CYP7B1: variants seen among roughly 807,000 people sequenced by gnomAD.
The protein encoded by CYP7B1 is cytochrome P450 family 7 subfamily B member 1.
Under a neutral mutation model 42.7 loss-of-function variants are expected in CYP7B1, and 29 were observed. The observed-to-expected ratio is 0.68, with a 90% CI of 0.51 to 0.93. CYP7B1 has a LOEUF of 0.93. Among genes scored for constraint, CYP7B1 ranks in the 40% least tolerant of loss-of-function variants. CYP7B1 has a pLI of 0.00. For missense variants in CYP7B1, 655 were observed against 600.5 expected (o/e 1.09, Z -0.95); for synonymous variants, 235 against 218.2 (o/e 1.08, Z -0.68).
At chr8:64,629,945 C>A (rs931060784) in intron 1 of CYP7B1, among the ~76,000 whole-genome samples, 1 of 152,090 alleles carries the variant, frequency 6.6e-6, no homozygotes. Flanking sequence ...CAGTGAGAGG[C>A]CTGGTGGGGA....
At chr8:64,711,443 A>G (rs1008766733) in intron 1 of CYP7B1, among the ~76,000 whole-genome samples, 1 of 152,184 alleles carries the variant, frequency 6.6e-6, no homozygotes, top group African/African-American at 2.4e-5. Flanking sequence ...GTGGCGCTAC[A>G]AAGAGGGTGA....
chr8:64,798,716 C>G lies in CYP7B1; in HGVS notation c.-129G>C. ...TCCAGGGCCGGAGAGGCTGGCCTGCCCGCAGCGCAGACAGGAATGTCACCG... is the reference window on the plus strand; with the variant it reads ...TCCAGGGCCGGAGAGGCTGGCCTGCGCGCAGCGCAGACAGGAATGTCACCG... On this transcript the variant is annotated 5_prime_UTR_variant, in exon 1 of 6. Transcript: ENST00000310193. 4 of 1,052,056 alleles carry G rather than the reference C, an allele frequency of 3.8e-6. No individual in the cohort carries two copies. In the South Asian group the frequency reaches 7.8e-5, roughly 20 times the overall value. The allele number at this position is 1,052,056 out of a possible 1,614,324, so 65.2% of individuals were successfully genotyped here.
chr8:64,744,022 T>C (rs1256405724), intron 1 of CYP7B1, among the ~76,000 whole-genome samples: 1 of 152,152 alleles, frequency 6.6e-6, no homozygotes, highest in Admixed American at 6.5e-5. Context: ...TGGCTATTTC[T>C]AAAGATAAGC....
intron 1 of CYP7B1, among the ~76,000 whole-genome samples, chr8:64,700,979 T>C (rs549303726): frequency 5.9e-5 from 9 of 152,148 alleles, no homozygotes; most frequent in African/African-American, 2.2e-4. Flanking sequence ...TTTAATGATA[T>C]CAAATCTTTT....
intron 1 of CYP7B1, among the ~76,000 whole-genome samples, chr8:64,693,164 CAG>C (rs1806773142): frequency 6.6e-6 from 1 of 152,352 alleles, no homozygotes; most frequent in South Asian, 2.1e-4. Flanking sequence ...ATCTGCATGA[CAG>C]AGTACTGTCA....
chr8:64,798,598 C>T lies in CYP7B1; in HGVS notation c.-11G>A, dbSNP rs886063077. On this transcript the variant is annotated 5_prime_UTR_variant, in exon 1 of 6. Coordinates refer to ENST00000310193, the MANE Select transcript of CYP7B1 (RefSeq NM_004820.5). ...CACTTCTCCTGCCATCCGGCGCGCG[C>T]TAGGCCGCGGTGGGCAGCCCGGGGT... is the stretch of plus-strand genomic sequence containing the variant. The T allele has an allele frequency of 8.9e-6, 13 of 1,458,288 alleles. No individual in the cohort carries two copies. In the East Asian group the frequency reaches 3.5e-4, roughly 39 times the overall value. The allele number at this position is 1,458,288 out of a possible 1,614,324, so 90.3% of individuals were successfully genotyped here.
chr8:64,699,233 A>T (rs959798210), intron 1 of CYP7B1, among the ~76,000 whole-genome samples: 3 of 152,146 alleles, frequency 2.0e-5, no homozygotes, highest in Non-Finnish European at 4.4e-5. Context: ...GTCTGAGTTG[A>T]TGGAGCCCCA....
At chr8:64,679,157 CAA>C (rs1806497255) in intron 1 of CYP7B1, among the ~76,000 whole-genome samples, 1 of 152,140 alleles carries the variant, frequency 6.6e-6, no homozygotes, top group Non-Finnish European at 1.5e-5. Context: ...GCTTGATAAT[CAA>C]ACTATTTTTC....
intron 1 of CYP7B1, among the ~76,000 whole-genome samples, chr8:64,625,378 T>TA (rs1267065449): frequency 6.6e-6 from 1 of 152,254 alleles, no homozygotes; most frequent in African/African-American, 2.4e-5. Flanking sequence ...CAATCTGTTT[T>TA]ATTTATTTCC....
chr8:64,660,424 T>C (rs1316023690), intron 1 of CYP7B1, among the ~76,000 whole-genome samples: 1 of 152,192 alleles, frequency 6.6e-6, no homozygotes, highest in East Asian at 1.9e-4. Context: ...TGAAATCAAG[T>C]ATACACAATG....
intron 1 of CYP7B1, among the ~76,000 whole-genome samples, chr8:64,777,315 A>C (rs78807560): frequency 0.02 from 3,018 of 152,206 alleles, 105 homozygotes; most frequent in African/African-American, 0.067. Context: ...CAGAAATTTC[A>C]TAGCAATAGC....
downstream of CYP7B1, among the ~76,000 whole-genome samples, chr8:64,590,706 GA>G (rs1805022685): frequency 1.3e-5 from 2 of 152,116 alleles, no homozygotes; most frequent in African/African-American, 2.4e-5. Context: ...CAGATGATAA[GA>G]ATATATGTGT....
chr8:64,616,997 C>T (rs1805458257), intron 2 of CYP7B1, among the ~76,000 whole-genome samples: 1 of 152,112 alleles, frequency 6.6e-6, no homozygotes, highest in Admixed American at 6.6e-5. Context: ...GGTTGGATCC[C>T]TTTCTTTTTG....
At chr8:64,761,626 T>G (rs1024742471) in intron 1 of CYP7B1, among the ~76,000 whole-genome samples, 49 of 151,954 alleles carry the variant, frequency 3.2e-4, no homozygotes, top group Non-Finnish European at 1.0e-4. Context: ...TAGAAACGAG[T>G]CTAGTCAGTT....
downstream of CYP7B1, among the ~76,000 whole-genome samples, chr8:64,588,356 A>T (rs1563533537): frequency 6.6e-6 from 1 of 152,228 alleles, no homozygotes; most frequent in Non-Finnish European, 1.5e-5. Context: ...TAAAGCAATT[A>T]CTATTTCTCC....
intron 1 of CYP7B1, among the ~76,000 whole-genome samples, chr8:64,634,826 T>A (rs769754941): frequency 2.0e-5 from 3 of 152,140 alleles, no homozygotes; most frequent in Non-Finnish European, 4.4e-5. Context: ...GAGTAGACAC[T>A]GAGGTTTAGC....
rs776803010 is a variant in CYP7B1, at chr8:64,615,675, A to C, written c.850+16T>G. 2.5e-6 allele frequency: 4 copies of C among 1,608,392 alleles called. No individual in the cohort carries two copies. The highest frequency in any genetic ancestry group is 1.7e-4 in the Middle Eastern group (1 of 6,044). On this transcript the variant is annotated intron_variant, in intron 3 of 5. Transcript: ENST00000310193. ...ATGATTTTATTTTAGGCAAGTGCTC[A>C]TTCAGAAGTTCTTACCTCCTATTTC...
intron 1 of CYP7B1, among the ~76,000 whole-genome samples, chr8:64,665,559 GTTTTTTTTTTTTTTTTT>G (rs540578806): frequency 7.7e-5 from 4 of 52,042 alleles, no homozygotes; most frequent in Admixed American, 3.5e-4. Flanking sequence ...TTTTTTGGTG[GTTTTTTTTTTTTTTTTT>G]TTTTTTTTTT....
At chr8:64,771,372 A>C (rs575678028) in intron 1 of CYP7B1, among the ~76,000 whole-genome samples, 20 of 152,004 alleles carry the variant, frequency 1.3e-4, no homozygotes, top group Non-Finnish European at 2.9e-4. Context: ...ATTCTTTTTA[A>C]AAATGTACAT....
Sources: allele counts gnomAD v4.1 joint callset (sites outside exome capture counted in the v4.1 genomes callset), GRCh38; gene constraint gnomAD v4.1.1; transcripts MANE v1.5; gene names NCBI Gene and HGNC (gene_info 2026-07-23, HGNC 2026-07-21).